Variants in RGS6 observed in about 807,000 individuals in gnomAD.
RGS6 encodes the protein regulator of G protein signaling 6, also known as regulator of G-protein signaling 6.
In RGS6, 30 loss-of-function variants were observed where a neutral mutation model predicts 78.5. The ratio of observed to expected loss-of-function variants is 0.38; its 90% confidence interval spans 0.29 to 0.52. The LOEUF (loss-of-function observed/expected upper bound fraction) is 0.52, where lower values mean the gene tolerates loss of function less well. Ranked by LOEUF, RGS6 falls within the 20% of genes least tolerant of loss-of-function variation. RGS6 has a pLI of 0.85. For synonymous variants in RGS6, 206 were observed against 206.0 expected (o/e 1.00, Z 0.00); for missense variants, 495 against 609.7 (o/e 0.81, Z 1.98).
intron 2 of RGS6, among the ~76,000 whole-genome samples, chr14:72,019,545 C>T (rs1041034416): frequency 1.2e-4 from 18 of 151,984 alleles, no homozygotes; most frequent in African/African-American, 3.9e-4. Context: ...AATAGGAACC[C>T]GTTGTTTTCC....
intron 2 of RGS6, among the ~76,000 whole-genome samples, chr14:71,999,068 AAAAT>A (rs965436812): frequency 6.6e-6 from 1 of 152,234 alleles, no homozygotes; most frequent in African/African-American, 2.4e-5. Flanking sequence ...CTATCTCTAA[AAAAT>A]AATAATGATA....
intron 2 of RGS6, among the ~76,000 whole-genome samples, chr14:72,127,282 T>G (rs2096218109): frequency 1.3e-5 from 2 of 152,210 alleles, no homozygotes; most frequent in South Asian, 4.1e-4. Context: ...GTAGTATTAC[T>G]GAAAAAGTAT....
In RGS6 at chr14:72,053,587, G is replaced by A. The variant is rs1425260381; in HGVS notation, c.84+88712G>A. On this transcript the variant is annotated intron_variant, in intron 2 of 17. Transcript: ENST00000553525. ...ATTTAGCATAATGTCCTGGGGGCTT[G>A]GGGGCTCCCCAAAGTTTGAAAACCA... 5.3e-5 allele frequency among the ~76,000 whole-genome samples: 8 copies of A among 152,180 alleles called. 1 individual carries two copies. Among genetic ancestry groups the A allele is most frequent in the Admixed American group, 5.2e-4 (8 of 15,286 alleles).
intron 2 of RGS6, among the ~76,000 whole-genome samples, chr14:72,329,992 G>C (rs1327874102): frequency 1.3e-5 from 2 of 152,238 alleles, no homozygotes; most frequent in Non-Finnish European, 2.9e-5. Flanking sequence ...CCTCCGTGGT[G>C]AACTATAAAC....
At position 72,052,002 on chromosome 14, in the gene RGS6, A is replaced by C. The variant is rs537868838; in HGVS notation, c.84+87127A>C. On this transcript the variant is annotated intron_variant, in intron 2 of 17. Transcript: ENST00000553525. ...CTGAGGGAAGCTAAGATTGAGGCCA[A>C]AAGGAGATCTGCTAGGTACCTGTGC... 3.3e-5 allele frequency among the ~76,000 whole-genome samples: 5 copies of C among 152,294 alleles called. No homozygotes were observed. The South Asian group carries it at 1.0e-3, about 32-fold the overall frequency.
intron 2 of RGS6, among the ~76,000 whole-genome samples, chr14:72,294,776 G>T (rs990939244): frequency 6.6e-6 from 1 of 152,036 alleles, no homozygotes; most frequent in Admixed American, 6.6e-5. Flanking sequence ...CATGAGAACA[G>T]CACCAAAGGG....
intron 2 of RGS6, among the ~76,000 whole-genome samples, chr14:72,130,117 G>T (rs1427989853): frequency 6.6e-6 from 1 of 152,174 alleles, no homozygotes; most frequent in Admixed American, 6.5e-5. Flanking sequence ...ATGACTCACA[G>T]AACTAAGGAA....
intron 3 of RGS6, among the ~76,000 whole-genome samples, chr14:72,448,486 A>AT (rs1240997758): frequency 3.4e-5 from 5 of 147,754 alleles, no homozygotes; most frequent in African/African-American, 4.9e-5. Context: ...TGATCATTGC[A>AT]TTTTTTTTCA....
intron 3 of RGS6, among the ~76,000 whole-genome samples, chr14:72,438,825 C>T (rs528114275): frequency 1.3e-5 from 2 of 152,362 alleles, no homozygotes; most frequent in East Asian, 3.9e-4. Flanking sequence ...CACTTGAAGC[C>T]TTCCAGGACT....
chr14:72,399,009 T>G (rs1322350470), intron 3 of RGS6, among the ~76,000 whole-genome samples: 1 of 151,984 alleles, frequency 6.6e-6, no homozygotes, highest in Non-Finnish European at 1.5e-5. Context: ...GGTGTGGTGC[T>G]GAAAAGAATG....
the RGS6 span, chr14:72,629,875 A>C: frequency 7.3e-6 from 5 of 684,590 alleles, no homozygotes. Flanking sequence ...TGGGGACCCA[A>C]ACAGGGCCCT....
chr14:72,341,265 G>A (rs1239928649), intron 2 of RGS6, among the ~76,000 whole-genome samples: 1 of 152,060 alleles, frequency 6.6e-6, no homozygotes, highest in African/African-American at 2.4e-5. Flanking sequence ...GCACAAAGAT[G>A]GAAGTGCTAC....
At chr14:72,062,119 A>G (rs1000923210) in intron 2 of RGS6, among the ~76,000 whole-genome samples, 1 of 152,240 alleles carries the variant, frequency 6.6e-6, no homozygotes, top group Non-Finnish European at 1.5e-5. Context: ...AGTGGTCAGG[A>G]AAGGCTGCTT....
chr14:72,433,896 T>C (rs2238190), intron 3 of RGS6, among the ~76,000 whole-genome samples: 11,730 of 152,312 alleles, frequency 0.077, 868 homozygotes, highest in African/African-American at 0.16. Context: ...ATGTGTAAAC[T>C]GCTGAGAACA....
chr14:72,378,754 C>G (rs974752749), intron 3 of RGS6, among the ~76,000 whole-genome samples: 1 of 152,114 alleles, frequency 6.6e-6, no homozygotes, highest in Non-Finnish European at 1.5e-5. Flanking sequence ...CTGAAATCTA[C>G]CAAACCCTTG....
the RGS6 span, among the ~76,000 whole-genome samples, chr14:71,875,276 G>C: frequency 6.6e-6 from 1 of 152,056 alleles, no homozygotes; most frequent in Non-Finnish European, 1.5e-5. Context: ...TCTGGTCCTG[G>C]ACTTTTTTTG....
intron 15 of RGS6, among the ~76,000 whole-genome samples, chr14:72,522,207 G>T (rs182420370): frequency 6.6e-6 from 1 of 152,124 alleles, no homozygotes; most frequent in Non-Finnish European, 1.5e-5. Flanking sequence ...GCAGGTGGCC[G>T]CCTTCTTGCT....
chr14:72,316,252 T>G (rs1251331475), intron 2 of RGS6, among the ~76,000 whole-genome samples: 1 of 152,210 alleles, frequency 6.6e-6, no homozygotes, highest in Non-Finnish European at 1.5e-5. Flanking sequence ...TTTTTTAAAT[T>G]ATACTTTAAG....
At chr14:72,065,924 TCCCCCCAG>T (rs1483050021) in intron 2 of RGS6, among the ~76,000 whole-genome samples, 3 of 55,522 alleles carry the variant, frequency 5.4e-5, no homozygotes, top group Admixed American at 1.7e-4. Context: ...CCTCCCCCCC[TCCCCCCAG>T]CCCACAACAG....
Sources: gnomAD v4.1 joint callset for allele counts (sites outside exome capture counted in the v4.1 genomes callset) on GRCh38, gnomAD v4.1.1 for gene constraint, MANE v1.5 for transcripts, NCBI Gene and HGNC (gene_info 2026-07-23, HGNC 2026-07-21) for gene names.